PTPRD: variants seen among roughly 807,000 people sequenced by gnomAD.
The protein encoded by PTPRD is protein tyrosine phosphatase receptor type D, also known as receptor-type tyrosine-protein phosphatase delta.
Under a neutral mutation model 214.5 loss-of-function variants are expected in PTPRD, and 34 were observed. The ratio of observed to expected loss-of-function variants is 0.16; its 90% CI spans 0.12 to 0.21. PTPRD has a LOEUF of 0.21. Among genes scored for constraint, PTPRD ranks in the 10% least tolerant of loss-of-function variants. The probability of loss-of-function intolerance (pLI) is 1.00; values close to 1 mark genes in which losing one functional copy is unlikely to be tolerated. For missense variants in PTPRD, 2,545 were observed against 2,398.7 expected, an observed-to-expected ratio of 1.06 and a Z score of -1.27; for synonymous variants, 1,128 against 845.7, an observed-to-expected ratio of 1.33 and a Z score of -5.79.
intron 7 of PTPRD, among the ~76,000 whole-genome samples, chr9:9,584,229 CCT>C (rs2091463125): frequency 6.6e-6 from 1 of 151,838 alleles, no homozygotes; most frequent in Non-Finnish European, 1.5e-5. Flanking sequence ...TGCCCTGCAA[CCT>C]CTGTCTCCCC....
intron 8 of PTPRD, among the ~76,000 whole-genome samples, chr9:9,426,491 GC>G (rs1183621531): frequency 6.6e-6 from 1 of 152,190 alleles, no homozygotes; most frequent in Non-Finnish European, 1.5e-5. Context: ...GCAGAGCATA[GC>G]TGAACAAAAG....
rs537464163 is a variant in PTPRD, at chr9:9,821,467, C to T, written c.-367-54616G>A. Among the ~76,000 whole-genome samples the T allele has an allele frequency of 1.2e-4, 19 of 152,206 alleles. No homozygotes were observed. The South Asian group carries it at 3.7e-3, about 30-fold the overall frequency. On this transcript the variant is annotated intron_variant, in intron 5 of 45. Coordinates refer to ENST00000381196, the MANE Select transcript of PTPRD (RefSeq NM_002839.4). ...ATGTTTGGAAAGCTTTCAAAACTTA[C>T]CTGAATATTCCCTAGATATGTAGTT... is the stretch of plus-strand genomic sequence containing the variant.
intron 3 of PTPRD, among the ~76,000 whole-genome samples, chr9:10,195,155 G>T (rs1175657199): frequency 1.7e-5 from 2 of 117,332 alleles, no homozygotes. Flanking sequence ...TCACTATGTT[G>T]GCCAGGCTGG....
intron 10 of PTPRD, among the ~76,000 whole-genome samples, chr9:9,179,502 C>A (rs1569559274): frequency 6.6e-6 from 1 of 152,092 alleles, no homozygotes; most frequent in South Asian, 2.1e-4. Context: ...TGCTACGAAC[C>A]ACTAGCTGAA....
At chr9:9,034,724 C>T (rs114702026) in intron 10 of PTPRD, among the ~76,000 whole-genome samples, 272 of 152,104 alleles carry the variant, frequency 1.8e-3, no homozygotes, top group South Asian at 0.017. Context: ...TGTCCAGAGG[C>T]GAGTTATCCA....
chr9:9,454,978 G>T (rs901057285), intron 8 of PTPRD, among the ~76,000 whole-genome samples: 5 of 151,510 alleles, frequency 3.3e-5, no homozygotes. Context: ...GAGTGCCTAA[G>T]GGCACAGATT....
At chr9:8,351,835 T>A (rs544991447) in intron 39 of PTPRD, among the ~76,000 whole-genome samples, 2 of 150,680 alleles carry the variant, frequency 1.3e-5, no homozygotes, top group East Asian at 3.9e-4. Context: ...GTAGTACACT[T>A]GAGTGGTGTC....
rs572801886 is a variant in PTPRD, at chr9:9,422,886, G to C, written c.-236-25404C>G. 6.8e-4 allele frequency among the ~76,000 whole-genome samples: 103 copies of C among 152,194 alleles called. 1 individual carries two copies. Among genetic ancestry groups the C allele is most frequent in the African/African-American group, 2.4e-3 (99 of 41,528 alleles). ...ACAAGGAGCTGAAAAGCTGACTGGA[G>C]CTGCTGGCACCTTTAAGTTGTTACA... On this transcript the variant is annotated intron_variant, in intron 8 of 45. Transcript: ENST00000381196.
rs530192344 is a variant in PTPRD at position 9,827,179 on chromosome 9, A to G, written c.-367-60328T>C. ...TACTTTAAAGTTCATATGGAACCAA[A>G]AAAGAGCCCACATTGCCAAGTCAAT... On this transcript the variant is annotated intron_variant, in intron 5 of 45. Transcript: ENST00000381196. 3.9e-5 allele frequency among the ~76,000 whole-genome samples: 6 copies of G among 152,214 alleles called. No homozygotes were observed. In the East Asian group the frequency reaches 1.2e-3, roughly 29 times the overall value.
intron 11 of PTPRD, among the ~76,000 whole-genome samples, chr9:8,916,756 C>T (rs181447550): frequency 2.0e-4 from 30 of 152,280 alleles, no homozygotes; most frequent in Admixed American, 1.3e-3. Context: ...CTCTAGAAAA[C>T]CATTCACAAC....
chr9:8,317,040 AAAT>A lies in PTPRD; in HGVS notation c.*831_*833del, dbSNP rs1260487153. The stretch of plus-strand genomic sequence containing the variant: ...CCCTGTTGATTCCAAAAACAAAACA[AAAT>A]AATAATTATCTTTGATTATTTGAAG... On this transcript the variant is annotated 3_prime_UTR_variant, in exon 46 of 46. Transcript: ENST00000381196. 10 of 231,654 alleles carry A rather than the reference AAAT, an allele frequency of 4.3e-5. No homozygotes were observed. The highest frequency in any genetic ancestry group is 6.6e-5 in the African/African-American group (3 of 45,218). The allele number at this position is 231,654 out of a possible 1,614,324, so 14.3% of individuals were successfully genotyped here. A position where few individuals can be genotyped will look rare whatever the true frequency, so the allele number is the denominator to read the frequency against.
chr9:9,985,030 G>C (rs947191212), intron 4 of PTPRD, among the ~76,000 whole-genome samples: 2 of 152,058 alleles, frequency 1.3e-5, no homozygotes, highest in Non-Finnish European at 2.9e-5. Context: ...ATATATTAAG[G>C]GTTTAAATAT....
At chr9:8,456,522 C>T (rs373321759) in intron 33 of PTPRD, among the ~76,000 whole-genome samples, 1 of 152,162 alleles carries the variant, frequency 6.6e-6, no homozygotes, top group African/African-American at 2.4e-5. Flanking sequence ...AGTCAACCAG[C>T]AGCTTCCAGT....
rs76491574 is a variant in PTPRD at position 9,912,494 on chromosome 9, T to C, written c.-368+26013A>G. Among the ~76,000 whole-genome samples, 139 of 152,298 alleles carry C rather than the reference T, an allele frequency of 9.1e-4. 3 individuals are homozygous for C. The East Asian group carries it at 0.025, about 27-fold the overall frequency. ...TTGCCATATGAATTAAGGTTGAGAT[T>C]GCACTGACACTCCTCAATAGCACAT... is the stretch of plus-strand genomic sequence containing the variant. On this transcript the variant is annotated intron_variant, in intron 5 of 45. Transcript: ENST00000381196.
At chr9:9,479,347 G>GCACACACACA (rs5896339) in intron 8 of PTPRD, among the ~76,000 whole-genome samples, 7,728 of 146,702 alleles carry the variant, frequency 0.053, 225 homozygotes, top group South Asian at 0.096. Context: ...GAAAACTGAT[G>GCACACACACA]CACACACACA....
chr9:8,953,068 T>C (rs1018150293), intron 11 of PTPRD, among the ~76,000 whole-genome samples: 7 of 151,996 alleles, frequency 4.6e-5, no homozygotes, highest in Non-Finnish European at 1.0e-4. Flanking sequence ...TATTTTAGAA[T>C]AGTTTTTTTT....
intron 11 of PTPRD, among the ~76,000 whole-genome samples, chr9:8,983,285 A>G (rs1388437067): frequency 1.3e-5 from 2 of 152,086 alleles, no homozygotes; most frequent in Non-Finnish European, 2.9e-5. Context: ...AGATGAAAAT[A>G]AAATGCTTCA....
At chr9:9,750,277 G>A (rs931259161) in intron 6 of PTPRD, among the ~76,000 whole-genome samples, 1 of 151,912 alleles carries the variant, frequency 6.6e-6, no homozygotes, top group African/African-American at 2.4e-5. Flanking sequence ...AATGTGAATG[G>A]CAATCACAGA....
At chr9:8,548,025 A>G (rs2080777274) in intron 14 of PTPRD, among the ~76,000 whole-genome samples, 1 of 152,222 alleles carries the variant, frequency 6.6e-6, no homozygotes, top group African/African-American at 2.4e-5. Context: ...AAAATGTGTC[A>G]ACTAATCAAA....
Sources: allele counts gnomAD v4.1 joint callset (sites outside exome capture counted in the v4.1 genomes callset), GRCh38; gene constraint gnomAD v4.1.1; transcripts MANE v1.5; gene names NCBI Gene and HGNC (gene_info 2026-07-23, HGNC 2026-07-21).